The following EPHB1 variants were observed in gnomAD, a reference collection of about 807,000 sequenced individuals.
EPHB1 encodes ephrin type-B receptor 1.
EPHB1 carries 30 observed loss-of-function variants against 94.4 expected under a neutral mutation model. The observed-to-expected ratio is 0.32, with a 90% CI of 0.24 to 0.43. The LOEUF (loss-of-function observed/expected upper bound fraction) is 0.43, where lower values mean the gene tolerates loss of function less well. Ranked by LOEUF, EPHB1 falls within the 20% of genes least tolerant of loss-of-function variation. EPHB1 has a pLI of 1.00. For missense variants in EPHB1, 1,055 were observed against 1,308.3 expected (o/e 0.81, Z 2.99); for synonymous variants, 522 against 489.1 (o/e 1.07, Z -0.89).
intron 1 of EPHB1, among the ~76,000 whole-genome samples, chr3:134,828,798 A>C (rs2036531368): frequency 6.6e-6 from 1 of 152,186 alleles, no homozygotes; most frequent in East Asian, 1.9e-4. Flanking sequence ...GCACCAAATC[A>C]GGGCATAGAC....
chr3:134,937,308 C>T (rs2039021947), intron 2 of EPHB1, among the ~76,000 whole-genome samples: 3 of 152,360 alleles, frequency 2.0e-5, no homozygotes, highest in Middle Eastern at 3.4e-3. Context: ...GCCACATTCC[C>T]ACCCAATTGG....
At chr3:134,823,971 C>G (rs1245053014) in intron 1 of EPHB1, 1 of 152,194 alleles carries the variant, frequency 6.6e-6, no homozygotes, top group Non-Finnish European at 1.5e-5. Flanking sequence ...CCCTGCCCAG[C>G]ATCTGCTGCT....
chr3:134,812,970 G>A (rs1408803844), intron 1 of EPHB1, among the ~76,000 whole-genome samples: 11 of 152,178 alleles, frequency 7.2e-5, no homozygotes, highest in Admixed American at 1.3e-4. Context: ...AACATGGACG[G>A]TTGTCTGGAG....
chr3:134,812,603 A>G (rs920320705), intron 1 of EPHB1, among the ~76,000 whole-genome samples: 2 of 152,244 alleles, frequency 1.3e-5, no homozygotes, highest in Non-Finnish European at 2.9e-5. Context: ...ACACAAAATG[A>G]AAAATAGGTG....
chr3:134,916,537 G>A (rs999225028), intron 1 of EPHB1, among the ~76,000 whole-genome samples: 15 of 152,218 alleles, frequency 9.9e-5, no homozygotes, highest in African/African-American at 2.9e-4. Context: ...GGCGAGAATC[G>A]AGTGCAGCTC....
intron 3 of EPHB1, among the ~76,000 whole-genome samples, chr3:135,031,249 C>G (rs370881120): frequency 6.6e-6 from 1 of 152,186 alleles, no homozygotes; most frequent in African/African-American, 2.4e-5. Context: ...GCTCCTCCCT[C>G]AAGAAGGTTA....
chr3:135,096,835 T>C (rs137897193), intron 3 of EPHB1, among the ~76,000 whole-genome samples: 50 of 152,318 alleles, frequency 3.3e-4, no homozygotes, highest in South Asian at 1.0e-3. Context: ...CAATGGCTCA[T>C]GCCTGTAGTG....
intron 3 of EPHB1, among the ~76,000 whole-genome samples, chr3:134,973,425 CTTTTTTTT>C (rs10664147): frequency 9.9e-5 from 9 of 91,016 alleles, no homozygotes; most frequent in African/African-American, 3.3e-4. Context: ...GTCTTCTAGT[CTTTTTTTT>C]TTTTTTTTTT....
At chr3:135,097,096 CA>C (rs1182116389) in intron 3 of EPHB1, among the ~76,000 whole-genome samples, 40,844 of 83,530 alleles carry the variant, frequency 0.49, 7,553 homozygotes, top group Non-Finnish European at 0.55. Flanking sequence ...ACTCTGTCTA[CA>C]AAAAAAAAAA....
At chr3:135,067,307 A>G (rs1461934565) in intron 3 of EPHB1, among the ~76,000 whole-genome samples, 2 of 151,992 alleles carry the variant, frequency 1.3e-5, no homozygotes, top group East Asian at 1.9e-4. Flanking sequence ...GGGAAGGGCA[A>G]TGAGGTGGAG....
At chr3:135,108,712 C>G (rs929791673) in intron 4 of EPHB1, among the ~76,000 whole-genome samples, 2 of 152,226 alleles carry the variant, frequency 1.3e-5, no homozygotes, top group Non-Finnish European at 2.9e-5. Flanking sequence ...CTTCTTCCTT[C>G]TTTTCTCTCC....
At chr3:134,904,742 G>A (rs2038283019) in intron 1 of EPHB1, among the ~76,000 whole-genome samples, 1 of 152,180 alleles carries the variant, frequency 6.6e-6, no homozygotes, top group Non-Finnish European at 1.5e-5. Flanking sequence ...AGATAGTCAG[G>A]GAAGACATCT....
intron 1 of EPHB1, among the ~76,000 whole-genome samples, chr3:134,880,493 G>C (rs1468091451): frequency 1.3e-5 from 2 of 152,172 alleles, no homozygotes; most frequent in Non-Finnish European, 2.9e-5. Flanking sequence ...AATCAGGGCA[G>C]GCACTCTGTG....
intron 3 of EPHB1, among the ~76,000 whole-genome samples, chr3:135,072,346 T>C (rs955653304): frequency 7.2e-5 from 11 of 152,208 alleles, no homozygotes; most frequent in Non-Finnish European, 1.3e-4. Flanking sequence ...ATCACGCCAC[T>C]GCACTCCAGC....
Position 135,109,663 on chromosome 3 carries a change from G to A in EPHB1, c.961+3060G>A, listed in dbSNP as rs535219812. Reference sequence around the variant, plus strand: ...TGATATGGTCCCAAACCACACAGTCGCCTTGGCCTAAAGAACCTGCTGAAA... The same window carrying A: ...TGATATGGTCCCAAACCACACAGTCACCTTGGCCTAAAGAACCTGCTGAAA... On this transcript the variant is annotated intron_variant, in intron 4 of 15. Transcript: ENST00000398015. 2.7e-4 allele frequency among the ~76,000 whole-genome samples: 41 copies of A among 152,338 alleles called. 1 individual carries two copies. In the South Asian group the frequency reaches 5.4e-3, roughly 20 times the overall value.
chr3:135,048,252 C>CTTTTTTTTTTTTTTTT (rs1323642991), intron 3 of EPHB1, among the ~76,000 whole-genome samples: 2 of 83,426 alleles, frequency 2.4e-5, no homozygotes, highest in Non-Finnish European at 4.6e-5. Context: ...TTCTTTCTTT[C>CTTTTTTTTTTTTTTTT]TTTTTTCTTT....
chr3:134,911,765 C>T (rs1221284767), intron 1 of EPHB1, among the ~76,000 whole-genome samples: 2 of 152,180 alleles, frequency 1.3e-5, no homozygotes, highest in Non-Finnish European at 2.9e-5. Context: ...CTCAGCAGCA[C>T]CAGTCTGGTC....
intron 4 of EPHB1, among the ~76,000 whole-genome samples, chr3:135,108,446 T>G (rs1350220080): frequency 6.6e-6 from 1 of 152,248 alleles, no homozygotes; most frequent in African/African-American, 2.4e-5. Flanking sequence ...CAGCCCTGTT[T>G]AGGCATTTGT....
chr3:134,967,866 A>G (rs915467735), intron 3 of EPHB1, among the ~76,000 whole-genome samples: 2 of 152,216 alleles, frequency 1.3e-5, no homozygotes, highest in African/African-American at 4.8e-5. Flanking sequence ...GTTGGAAAAC[A>G]TCTGCTCATT....
Sources: gnomAD v4.1 joint callset for allele counts (sites outside exome capture counted in the v4.1 genomes callset) on GRCh38, gnomAD v4.1.1 for gene constraint, MANE v1.5 for transcripts, NCBI Gene and HGNC (gene_info 2026-07-23, HGNC 2026-07-21) for gene names.